Variants in MZT2A observed in about 807,000 individuals in gnomAD.
MZT2A encodes the protein mitotic-spindle organizing protein 2A.
Under a neutral mutation model 12.4 loss-of-function variants are expected in MZT2A, and 8 were observed. That is an observed-to-expected ratio of 0.64 (90% CI 0.38 to 1.16). The LOEUF (loss-of-function observed/expected upper bound fraction) is 1.16, where lower values mean the gene tolerates loss of function less well. Among genes scored for constraint, MZT2A ranks in the 50% most tolerant of loss-of-function variants. The probability of loss-of-function intolerance (pLI) is 0.01; values close to 1 mark genes in which losing one functional copy is unlikely to be tolerated. For missense variants in MZT2A, 181 were observed against 223.6 expected (o/e 0.81, Z 1.22); for synonymous variants, 88 against 107.5 (o/e 0.82, Z 1.12).
At chr2:131,479,809 T>C (rs1452296651), downstream of MZT2A, among the ~76,000 whole-genome samples, 3 of 152,112 alleles carry the variant, frequency 2.0e-5, no homozygotes, top group Non-Finnish European at 4.4e-5. Flanking sequence ...TACTGCACTC[T>C]AGCCTGGGAA....
At chr2:131,480,554 T>C (rs539139218), downstream of MZT2A, 1 of 1,609,926 alleles carries the variant, frequency 6.2e-7, no homozygotes, top group Admixed American at 1.7e-5. Flanking sequence ...AGCAGCTGTC[T>C]GTGGCCGAGA....
At chr2:131,482,524 G>A, downstream of MZT2A, 2 of 1,584,770 alleles carry the variant, frequency 1.3e-6, no homozygotes, top group Non-Finnish European at 1.7e-6. Flanking sequence ...TAAGCTTCAT[G>A]GACTGCTTTC....
intron 2 of MZT2A, among the ~76,000 whole-genome samples, chr2:131,475,169 G>A (rs1422682957): frequency 4.0e-5 from 6 of 151,654 alleles, no homozygotes; most frequent in Admixed American, 3.9e-4. Flanking sequence ...AACGGGCAAG[G>A]TGGGTCTCAC....
rs373733757 is a variant in MZT2A at position 131,492,238 on chromosome 2, C to T, written c.139G>A (p.Ala47Thr). Residue 47 changes from alanine to threonine, a missense_variant, in exon 1 of 3, where the codon GCG (alanine) becomes ACG (threonine). Ala to Thr is a moderately conservative substitution (Grantham distance 58). Coordinates refer to ENST00000309451, the MANE Select transcript of MZT2A (RefSeq NM_001085365.2). ...ACGTCGGGGTCGATACCGCCGCCCGCCGCCTGAGCCAGCTCGTACAGCTCC... is the reference window on the plus strand; with the variant it reads ...ACGTCGGGGTCGATACCGCCGCCCGTCGCCTGAGCCAGCTCGTACAGCTCC... ...EMELYELAQA[A>T]GGGIDPDVFK... 1.5e-5 allele frequency: 23 copies of T among 1,585,436 alleles called. No individual in the cohort carries two copies. In the African/African-American group the frequency reaches 3.0e-4, roughly 20 times the overall value.
At chr2:131,491,855 G>A (rs1679324890) in intron 2 of MZT2A, 21 bp downstream of exon 2, 2 of 1,428,034 alleles carry the variant, frequency 1.4e-6, no homozygotes, top group Non-Finnish European at 1.9e-6. Flanking sequence ...CTGGGGCAGG[G>A]ACAGCGGGCC....
chr2:131,485,084 G>T (rs1161347453), intron 2 of MZT2A, among the ~76,000 whole-genome samples: 1 of 152,154 alleles, frequency 6.6e-6, no homozygotes, highest in East Asian at 1.9e-4. Flanking sequence ...AGGCTTGCCC[G>T]TGGGGTCACA....
upstream of MZT2A, among the ~76,000 whole-genome samples, chr2:131,493,370 G>T (rs1221517934): frequency 6.6e-6 from 1 of 152,214 alleles, no homozygotes; most frequent in Non-Finnish European, 1.5e-5. Flanking sequence ...CTCTGTTCTG[G>T]TCCGGTAGGT....
At chr2:131,479,359 T>A (rs1335155408), downstream of MZT2A, 1 of 1,614,138 alleles carries the variant, frequency 6.2e-7, no homozygotes, top group Admixed American at 1.7e-5. Flanking sequence ...GAGCAGCTGA[T>A]CACCGGGAAG....
intron 2 of MZT2A, among the ~76,000 whole-genome samples, chr2:131,485,549 T>G (rs533088270): frequency 4.4e-4 from 67 of 152,108 alleles, no homozygotes; most frequent in Non-Finnish European, 9.6e-4. Flanking sequence ...CCCTAACAAA[T>G]GCTTTGGACT....
At position 131,485,445 on chromosome 2, in the gene MZT2A, A is replaced by T. The variant is rs1337965154; in HGVS notation, c.320-1227T>A. ...TTCCTTGCACCCTCATAGAAACTCC[A>T]CACCCCACCCCCTCAGTGCGGTGTG... is the stretch of plus-strand genomic sequence containing the variant. On this transcript the variant is annotated intron_variant, in intron 2 of 2. Transcript: ENST00000309451. Among the ~76,000 whole-genome samples the T allele has an allele frequency of 1.1e-4, 16 of 152,062 alleles. No individual in the cohort carries two copies. In the East Asian group the frequency reaches 3.1e-3, roughly 30 times the overall value.
At position 131,484,505 on chromosome 2, in the gene MZT2A, C is replaced by T. The variant is rs545743386; in HGVS notation, c.320-287G>A. Among the ~76,000 whole-genome samples, 9 of 152,324 alleles carry T rather than the reference C, an allele frequency of 5.9e-5. No homozygotes were observed. In the South Asian group the frequency reaches 1.7e-3, roughly 28 times the overall value. On this transcript the variant is annotated intron_variant, in intron 2 of 2. Coordinates refer to ENST00000309451, the MANE Select transcript of MZT2A (RefSeq NM_001085365.2). ...GAACATTTTGAAAGGACACATGCCA[C>T]GGGCCCATTTAGGGAAAGGTAGGTG...
Position 131,476,291 on chromosome 2 carries a change from C to T in MZT2A, c.279-4109G>A, listed in dbSNP as rs1485685658. ...AGAGGGACGTTGTTGCGGGCCTGGG[C>T]GCTGAGAGGAGGCCAGAGAAGGACG... On this transcript the variant is annotated intron_variant and NMD_transcript_variant, in intron 2 of 4. Transcript: ENST00000427024. 55 of 1,602,406 alleles carry T rather than the reference C, an allele frequency of 3.4e-5. No individual in the cohort carries two copies. The Middle Eastern group carries it at 5.9e-4, about 17-fold the overall frequency.
chr2:131,482,978 G>T (rs978432932), downstream of MZT2A: 130 of 1,463,452 alleles, frequency 8.9e-5, no homozygotes, highest in Non-Finnish European at 1.1e-4. Context: ...ACAGGAGCCG[G>T]TGGGACCCTA....
intron 2 of MZT2A, among the ~76,000 whole-genome samples, chr2:131,475,591 A>G (rs1678632510): frequency 6.6e-6 from 1 of 152,034 alleles, no homozygotes; most frequent in Admixed American, 6.6e-5. Context: ...TCGGCCTCCC[A>G]AAGTGCTGGG....
At chr2:131,482,215 A>G (rs1678888165), downstream of MZT2A, among the ~76,000 whole-genome samples, 1 of 152,240 alleles carries the variant, frequency 6.6e-6, no homozygotes, top group Admixed American at 6.5e-5. Context: ...GTTTAGCTAC[A>G]GAATTTAATT....
chr2:131,479,795 G>T (rs1434697321), downstream of MZT2A, among the ~76,000 whole-genome samples: 2 of 152,088 alleles, frequency 1.3e-5, no homozygotes, highest in African/African-American at 2.4e-5. Flanking sequence ...AGCTGAGATT[G>T]CACTACTGCA....
At chr2:131,491,324 A>T in intron 2 of MZT2A, 1 of 285,352 alleles carries the variant, frequency 3.5e-6, no homozygotes, top group Non-Finnish European at 6.8e-6. Flanking sequence ...TGCAATCATC[A>T]GAGGCAGGAA....
chr2:131,483,015 C>G, downstream of MZT2A: 5 of 1,200,410 alleles, frequency 4.2e-6, no homozygotes, highest in Non-Finnish European at 5.7e-6. Flanking sequence ...CGGTGGGGTG[C>G]CAGCCTGCCC....
At chr2:131,486,748 C>T (rs73955018) in intron 2 of MZT2A, among the ~76,000 whole-genome samples, 3,176 of 151,774 alleles carry the variant, frequency 0.021, 91 homozygotes, top group African/African-American at 0.068. Context: ...GCCTCAGCCT[C>T]GATGTAGCTG....
Sources: allele counts gnomAD v4.1 joint callset (sites outside exome capture counted in the v4.1 genomes callset), GRCh38; gene constraint gnomAD v4.1.1; transcripts MANE v1.5; gene names NCBI Gene and HGNC (gene_info 2026-07-23, HGNC 2026-07-21).